The following WDR47 variants were observed in gnomAD, a reference collection of about 807,000 sequenced individuals.
WDR47 encodes WD repeat domain 47, also known as WD repeat-containing protein 47.
WDR47 carries 32 observed loss-of-function variants against 97.2 expected under a neutral mutation model. The observed-to-expected ratio is 0.33, with a 90% CI of 0.25 to 0.44. WDR47 has a LOEUF of 0.44. WDR47 is among the 20% of genes least tolerant of loss of function. WDR47 has a pLI of 1.00. For synonymous variants in WDR47, 375 were observed against 373.5 expected (o/e 1.00, Z -0.05); for missense variants, 782 against 1,102.3 (o/e 0.71, Z 4.11).
At chr1:109,029,408 C>T (rs1017828413) in intron 1 of WDR47, among the ~76,000 whole-genome samples, 1 of 151,936 alleles carries the variant, frequency 6.6e-6, no homozygotes, top group Non-Finnish European at 1.5e-5. Flanking sequence ...GCCTATAATC[C>T]CAGCACTTTG....
intron 10 of WDR47, among the ~76,000 whole-genome samples, chr1:108,983,721 A>AT (rs1412440873): frequency 6.6e-6 from 1 of 152,060 alleles, no homozygotes; most frequent in African/African-American, 2.4e-5. Context: ...CGTTTCTCAT[A>AT]TTTTTCATGG....
In WDR47 at chr1:109,041,988, G is replaced by A. The variant is rs1207206142; in HGVS notation, c.-136C>T. 3 of 152,290 alleles carry A rather than the reference G, an allele frequency of 2.0e-5. No individual in the cohort carries two copies. The highest frequency in any genetic ancestry group is 4.4e-5 in the Non-Finnish European group (3 of 68,112). The allele number at this position is 152,290 out of a possible 1,614,324, so 9.4% of individuals were successfully genotyped here. A position where few individuals can be genotyped will look rare whatever the true frequency, so the allele number is the denominator to read the frequency against. ...GCACGACGGCGGCGGTCTGGGTTTG[G>A]CGTCGGTCCTCCCTCCTACCGCCCG... On this transcript the variant is annotated 5_prime_UTR_variant, in exon 1 of 15. Transcript: ENST00000369962.
chr1:109,020,886 A>ATTTT (rs36061329), intron 2 of WDR47, among the ~76,000 whole-genome samples: 4 of 142,512 alleles, frequency 2.8e-5, no homozygotes, highest in Non-Finnish European at 6.0e-5. Context: ...GGAACACTTC[A>ATTTT]TTTTTTTTTT....
intron 10 of WDR47, among the ~76,000 whole-genome samples, chr1:108,984,741 C>A (rs576821): frequency 6.6e-6 from 1 of 152,244 alleles, no homozygotes; most frequent in African/African-American, 2.4e-5. Context: ...AGCTAGGCAT[C>A]GTGGTGCATG....
At chr1:108,991,882 C>T (rs1394877084) in intron 8 of WDR47, among the ~76,000 whole-genome samples, 1 of 151,994 alleles carries the variant, frequency 6.6e-6, no homozygotes, top group Non-Finnish European at 1.5e-5. Context: ...AGGCTGCTCT[C>T]GAACTCCTGG....
chr1:109,008,203 A>G (rs1660768697), intron 5 of WDR47, among the ~76,000 whole-genome samples: 1 of 152,076 alleles, frequency 6.6e-6, no homozygotes, highest in Admixed American at 6.6e-5. Flanking sequence ...AGAAAATATC[A>G]CAACTCTCTC....
intron 3 of WDR47, among the ~76,000 whole-genome samples, chr1:109,017,201 A>G (rs1352015318): frequency 6.6e-6 from 1 of 152,136 alleles, no homozygotes; most frequent in Non-Finnish European, 1.5e-5. Flanking sequence ...AAATGAACAC[A>G]AGGGAAGCCT....
intron 1 of WDR47, among the ~76,000 whole-genome samples, chr1:109,024,541 T>C (rs1662070078): frequency 6.6e-6 from 1 of 152,206 alleles, no homozygotes; most frequent in African/African-American, 2.4e-5. Context: ...TTCTAACTCT[T>C]ACCTGTAGGT....
intron 1 of WDR47, among the ~76,000 whole-genome samples, chr1:109,037,096 G>C (rs1663007546): frequency 6.6e-6 from 1 of 152,076 alleles, no homozygotes. Flanking sequence ...TTGGGAGGCC[G>C]AGGCAGGCAG....
At chr1:108,999,324 G>C (rs1659994153) in intron 7 of WDR47, among the ~76,000 whole-genome samples, 1 of 151,646 alleles carries the variant, frequency 6.6e-6, no homozygotes, top group African/African-American at 2.4e-5. Context: ...TAAAAATTTA[G>C]GATGGGCCGG....
intron 6 of WDR47, 96 bp downstream of exon 6, chr1:109,004,496 C>T: frequency 7.2e-7 from 1 of 1,390,348 alleles, no homozygotes; most frequent in Non-Finnish European, 9.5e-7. Context: ...TTTCCTACTC[C>T]CAAATATCAG....
rs146782814 is a variant in WDR47, at chr1:109,018,418, A to G, written c.159-817T>C. Among the ~76,000 whole-genome samples, 914 of 150,684 alleles carry G rather than the reference A, an allele frequency of 6.1e-3. 3 individuals carry two copies. Among genetic ancestry groups the G allele is most frequent in the African/African-American group, 0.021 (842 of 40,902 alleles). On this transcript the variant is annotated intron_variant, in intron 2 of 14. Transcript: ENST00000369962. The stretch of plus-strand genomic sequence containing the variant: ...GCCACTGCACTCTAGCCTGGGCAAC[A>G]AAAGAGAGACTCTGTCTCAAAAAAA...
At chr1:109,019,373 A>C (rs34904989) in intron 2 of WDR47, among the ~76,000 whole-genome samples, 14,769 of 130,354 alleles carry the variant, frequency 0.11, 879 homozygotes, top group Middle Eastern at 0.2. Context: ...ACAGAGTGAG[A>C]CTCTGTCTCA....
intron 8 of WDR47, among the ~76,000 whole-genome samples, chr1:108,993,575 A>C (rs1019035518): frequency 6.6e-6 from 1 of 152,188 alleles, no homozygotes; most frequent in Non-Finnish European, 1.5e-5. Flanking sequence ...AAAAACAGGG[A>C]ATCTAATAAA....
At chr1:108,994,339 G>A (rs912254358) in intron 8 of WDR47, among the ~76,000 whole-genome samples, 6 of 152,186 alleles carry the variant, frequency 3.9e-5, no homozygotes, top group Non-Finnish European at 8.8e-5. Flanking sequence ...AGAGGTTGCA[G>A]TGAGCTGAGA....
chr1:109,036,956 A>C (rs992592612), intron 1 of WDR47, among the ~76,000 whole-genome samples: 8 of 152,162 alleles, frequency 5.3e-5, no homozygotes, highest in Admixed American at 2.6e-4. Context: ...TACACCTAAA[A>C]TTTCTTTATA....
At chr1:109,012,301 C>T (rs778472744) in intron 4 of WDR47, among the ~76,000 whole-genome samples, 2 of 152,038 alleles carry the variant, frequency 1.3e-5, no homozygotes, top group African/African-American at 2.4e-5. Flanking sequence ...GAAAAGGGAG[C>T]CGAGCACAGT....
intron 1 of WDR47, chr1:109,041,652 A>AC (rs1267426553): frequency 6.6e-6 from 1 of 151,748 alleles, no homozygotes; most frequent in Non-Finnish European, 1.5e-5. Context: ...GCAGATCCTC[A>AC]CCCCGCGATG....
chr1:109,037,364 C>T (rs1022330616), intron 1 of WDR47, among the ~76,000 whole-genome samples: 3 of 139,410 alleles, frequency 2.2e-5, no homozygotes, highest in East Asian at 4.5e-4. Context: ...CAAGACTGGG[C>T]GTGGTGGCTC....
Sources: allele counts gnomAD v4.1 joint callset (sites outside exome capture counted in the v4.1 genomes callset), GRCh38; gene constraint gnomAD v4.1.1; transcripts MANE v1.5; gene names NCBI Gene and HGNC (gene_info 2026-07-23, HGNC 2026-07-21).